The following DAB1 variants were observed in gnomAD, a reference collection of about 807,000 sequenced individuals.
The protein encoded by DAB1 is DAB adaptor protein 1, also known as disabled homolog 1.
A neutral mutation model predicts 64.6 loss-of-function variants in DAB1; 15 were observed. The ratio of observed to expected loss-of-function variants is 0.23; its 90% CI spans 0.16 to 0.36. The LOEUF (loss-of-function observed/expected upper bound fraction) is 0.36. Ranked by LOEUF, DAB1 falls within the 10% of genes least tolerant of loss-of-function variation. The pLI is 1.00. For synonymous variants in DAB1, 235 were observed against 251.9 expected (o/e 0.93, Z 0.64); for missense variants, 596 against 706.7 (o/e 0.84, Z 1.78).
chr1:57,233,255 C>CTTTTTTCTTTT, intron 2 of DAB1, among the ~76,000 whole-genome samples: 1 of 60,804 alleles, frequency 1.6e-5, no homozygotes, highest in Non-Finnish European at 2.8e-5. Flanking sequence ...TGCTCCGATT[C>CTTTTTTCTTTT]TTTTTTTTTT....
Position 57,136,651 on chromosome 1 carries a change from G to T in DAB1, c.208-10C>A. 1 of 1,503,030 alleles carries T rather than the reference G, an allele frequency of 6.7e-7. No homozygotes were observed. Among genetic ancestry groups the T allele is most frequent in the Non-Finnish European group, 9.0e-7 (1 of 1,108,334 alleles). The allele number at this position is 1,503,030 out of a possible 1,614,324, so 93.1% of individuals were successfully genotyped here. ...CGCCAGCAACAACGCCCTGTTGAAA[G>T]GAAGAACATGGTTTTTACTTAAGTG... On this transcript the variant is annotated splice_polypyrimidine_tract_variant and intron_variant, in intron 3 of 14. Coordinates refer to ENST00000371236, the MANE Select transcript of DAB1 (RefSeq NM_001365792.1).
At chr1:57,877,430 C>T (rs542164317) in intron 1 of DAB1, among the ~76,000 whole-genome samples, 1 of 152,300 alleles carries the variant, frequency 6.6e-6, no homozygotes, top group Non-Finnish European at 1.5e-5. Context: ...TTCCCACACA[C>T]ACCCTTTGGC....
At chr1:57,725,216 T>A (rs1368015888) in intron 6 of DAB1, among the ~76,000 whole-genome samples, 1 of 152,220 alleles carries the variant, frequency 6.6e-6, no homozygotes, top group Non-Finnish European at 1.5e-5. Flanking sequence ...CCTATCTCTA[T>A]GTTTAACAAT....
At chr1:57,565,553 G>C (rs911659960) in intron 7 of DAB1, among the ~76,000 whole-genome samples, 3 of 152,078 alleles carry the variant, frequency 2.0e-5, no homozygotes, top group Non-Finnish European at 4.4e-5. Context: ...GACACAAGTA[G>C]GCTCAAAATA....
chr1:58,487,039 T>C (rs368587339), intron 3 of DAB1, among the ~76,000 whole-genome samples: 6 of 152,198 alleles, frequency 3.9e-5, no homozygotes, highest in Admixed American at 3.9e-4. Flanking sequence ...GACATTACAA[T>C]GATCACTCTG....
intron 7 of DAB1, among the ~76,000 whole-genome samples, chr1:57,562,845 C>G (rs1645068913): frequency 6.6e-6 from 1 of 152,186 alleles, no homozygotes; most frequent in South Asian, 2.1e-4. Context: ...GGCTCCTCCT[C>G]CCTTTAAGTT....
At chr1:57,791,165 A>G (rs17116295) in intron 6 of DAB1, among the ~76,000 whole-genome samples, 10,095 of 152,242 alleles carry the variant, frequency 0.066, 1,172 homozygotes, top group African/African-American at 0.23. Context: ...AAACAGATAG[A>G]AAACTTACAA....
chr1:57,585,019 G>T (rs1003153322), intron 7 of DAB1, among the ~76,000 whole-genome samples: 14 of 152,152 alleles, frequency 9.2e-5, no homozygotes, highest in African/African-American at 3.4e-4. Context: ...GGGAGGCCAA[G>T]GTGGGCAGAT....
At chr1:57,160,781 G>A (rs989798936) in intron 2 of DAB1, among the ~76,000 whole-genome samples, 2 of 152,106 alleles carry the variant, frequency 1.3e-5, no homozygotes, top group African/African-American at 2.4e-5. Context: ...TACAATTGAG[G>A]AAATAATGCT....
At chr1:58,164,089 C>T (rs1325141419) in intron 4 of DAB1, among the ~76,000 whole-genome samples, 3 of 150,266 alleles carry the variant, frequency 2.0e-5, no homozygotes, top group Admixed American at 6.7e-5. Context: ...AAAAGCAAAA[C>T]TAAGTGGAGA....
At chr1:58,041,173 T>C (rs1647129813) in intron 5 of DAB1, among the ~76,000 whole-genome samples, 1 of 152,236 alleles carries the variant, frequency 6.6e-6, no homozygotes, top group African/African-American at 2.4e-5. Context: ...AGTCTTCCTA[T>C]TGAGCAGACC....
chr1:58,521,436 AT>A (rs1368264358), intron 2 of DAB1, among the ~76,000 whole-genome samples: 6 of 152,044 alleles, frequency 3.9e-5, no homozygotes, highest in African/African-American at 1.4e-4. Context: ...ATGAAAAAAA[AT>A]GGTAACTGAC....
At chr1:58,189,020 GT>G (rs1490999478) in intron 4 of DAB1, among the ~76,000 whole-genome samples, 3 of 152,208 alleles carry the variant, frequency 2.0e-5, no homozygotes, top group South Asian at 2.1e-4. Flanking sequence ...ATTGCTTGTT[GT>G]TTTTTTACAT....
rs550686487 is a variant in DAB1, at chr1:57,072,512, G to C, written c.307-98C>G. On this transcript the variant is annotated intron_variant, in intron 4 of 14. Transcript: ENST00000371236. ...GTTTCAGCTACGTGTGAACAGGCCCGAAGGGCTTTGGAAAAGCTGTTTAGT... is the reference window on the plus strand; with the variant it reads ...GTTTCAGCTACGTGTGAACAGGCCCCAAGGGCTTTGGAAAAGCTGTTTAGT... 3 of 1,355,112 alleles carry C rather than the reference G, an allele frequency of 2.2e-6. No individual in the cohort carries two copies. The Admixed American group carries it at 6.4e-5, about 29-fold the overall frequency. 83.9% of individuals were successfully genotyped at this position (1,355,112 alleles called of 1,614,324 possible).
intron 5 of DAB1, among the ~76,000 whole-genome samples, chr1:57,963,701 T>C (rs1046278886): frequency 1.3e-5 from 2 of 152,158 alleles, no homozygotes; most frequent in Admixed American, 6.5e-5. Context: ...CCACTTCCCC[T>C]TTCCCCAGTA....
rs143196493 is a variant in DAB1, at chr1:58,450,512, T to C, written n.257+55548A>G. 3.0e-3 allele frequency among the ~76,000 whole-genome samples: 457 copies of C among 152,240 alleles called. 2 individuals are homozygous for C. The highest frequency in any genetic ancestry group is 4.5e-3 in the Non-Finnish European group (305 of 68,014). ...GCTCACGTCTGTAATCCCAGCACTT[T>C]GGGAGGCCGAGGCGGGCGGATCACA... On this transcript the variant is annotated intron_variant and non_coding_transcript_variant, in intron 3 of 20. Coordinates refer to the DAB1 transcript ENST00000485760.
chr1:57,855,581 A>G (rs1019235647), intron 1 of DAB1, among the ~76,000 whole-genome samples: 1 of 152,170 alleles, frequency 6.6e-6, no homozygotes, highest in Non-Finnish European at 1.5e-5. Context: ...AAATGAAATG[A>G]AGGGTGGGCC....
intron 6 of DAB1, among the ~76,000 whole-genome samples, chr1:57,674,156 G>A (rs1258269905): frequency 6.6e-6 from 1 of 152,098 alleles, no homozygotes; most frequent in African/African-American, 2.4e-5. Context: ...ACACCATCTG[G>A]TCTCTATAAA....
chr1:58,267,850 G>A (rs1308068655), intron 4 of DAB1, among the ~76,000 whole-genome samples: 1 of 152,126 alleles, frequency 6.6e-6, no homozygotes, highest in Non-Finnish European at 1.5e-5. Flanking sequence ...AATCTCATCT[G>A]TTCCAAGAAA....
Sources: gnomAD v4.1 joint callset for allele counts (sites outside exome capture counted in the v4.1 genomes callset) on GRCh38, gnomAD v4.1.1 for gene constraint, MANE v1.5 for transcripts, NCBI Gene and HGNC (gene_info 2026-07-23, HGNC 2026-07-21) for gene names.